Variants in UGGT2 observed in about 807,000 individuals in gnomAD.
UGGT2 encodes the protein UDP-glucose glycoprotein glucosyltransferase 2, also known as UDP-glucose:glycoprotein glucosyltransferase 2.
UGGT2 carries 180 observed loss-of-function variants against 192.1 expected under a neutral mutation model. That is an observed-to-expected ratio of 0.94 (90% CI 0.83 to 1.06). The LOEUF (loss-of-function observed/expected upper bound fraction) is 1.06. Among genes scored for constraint, UGGT2 ranks in the 50% least tolerant of loss-of-function variants. The pLI, the probability that UGGT2 is intolerant of heterozygous loss-of-function variation, is 0.00. For synonymous variants in UGGT2, 580 were observed against 591.0 expected, an observed-to-expected ratio of 0.98 and a Z score of 0.27; for missense variants, 1,849 against 1,795.7, an observed-to-expected ratio of 1.03 and a Z score of -0.54.
chr13:96,040,629 TTATTAAG>T (rs1055326479), intron 1 of UGGT2, among the ~76,000 whole-genome samples: 8 of 152,144 alleles, frequency 5.3e-5, no homozygotes, highest in Non-Finnish European at 8.8e-5. Flanking sequence ...TAAGTTGGGT[TTATTAAG>T]TATTAAGTTG....
At chr13:95,893,952 A>G (rs184309809) in intron 24 of UGGT2, among the ~76,000 whole-genome samples, 165 of 152,226 alleles carry the variant, frequency 1.1e-3, no homozygotes, top group African/African-American at 3.9e-3. Context: ...GCTAAATCAT[A>G]TTTTCCAGAA....
chr13:96,030,710 T>C (rs951928008), intron 2 of UGGT2, among the ~76,000 whole-genome samples: 2 of 152,224 alleles, frequency 1.3e-5, no homozygotes, highest in African/African-American at 2.4e-5. Flanking sequence ...CTGAAGATTT[T>C]ACTCTTAAGG....
chr13:95,909,760 A>G (rs1236342813), intron 20 of UGGT2, among the ~76,000 whole-genome samples: 7 of 139,264 alleles, frequency 5.0e-5, no homozygotes, highest in Non-Finnish European at 7.8e-5. Context: ...AATAATAATA[A>G]TAATAATAAT....
At chr13:95,971,351 G>GA (rs1217677917) in intron 11 of UGGT2, among the ~76,000 whole-genome samples, 1 of 151,870 alleles carries the variant, frequency 6.6e-6, no homozygotes, top group Non-Finnish European at 1.5e-5. Context: ...CACATCCTCT[G>GA]AAGACACAAA....
intron 12 of UGGT2, among the ~76,000 whole-genome samples, chr13:95,958,821 TAG>T (rs906843499): frequency 2.0e-5 from 3 of 152,112 alleles, no homozygotes; most frequent in Non-Finnish European, 2.9e-5. Flanking sequence ...GCTGGAAGCC[TAG>T]AGAGGTTCCC....
At chr13:95,856,703 G>T in intron 33 of UGGT2, 1 of 402,256 alleles carries the variant, frequency 2.5e-6, no homozygotes, top group South Asian at 1.9e-5. Context: ...ATATCAAATA[G>T]TTCATGTATA....
In UGGT2 at chr13:95,859,640, G is replaced by A. The variant is rs1452554568; in HGVS notation, c.3776C>T (p.Thr1259Ile). Residue 1259 changes from threonine (T) to isoleucine (I), a missense_variant, in exon 33 of 39, where the codon ACA (threonine) becomes ATA (isoleucine). Transcript: ENST00000376747. The stretch of plus-strand genomic sequence containing the variant: ...TTTTAGCAACCAGAATTTCACTGGT[G>A]TTTTGGTGTTACGCAAAACAGAAAG... ...MMLSVLRNTK[T>I]PVKFWLLKNY... The A allele has an allele frequency of 6.2e-7, 1 of 1,610,042 alleles. No homozygotes were observed. Among genetic ancestry groups the A allele is most frequent in the African/African-American group, 1.3e-5 (1 of 74,732 alleles).
intron 21 of UGGT2, 75 bp from the exon 22 acceptor site, chr13:95,901,013 A>G: frequency 9.5e-7 from 1 of 1,051,898 alleles, no homozygotes; most frequent in African/African-American, 1.6e-5. Context: ...TTAAAAAACT[A>G]ATATTAGTAT....
At chr13:96,027,492 T>C (rs2052704296) in intron 2 of UGGT2, among the ~76,000 whole-genome samples, 1 of 152,228 alleles carries the variant, frequency 6.6e-6, no homozygotes, top group Admixed American at 6.5e-5. Flanking sequence ...TTTCTGCCTT[T>C]ATCTTCAACC....
chr13:95,832,319 G>A (rs1886792945), intron 38 of UGGT2, among the ~76,000 whole-genome samples: 1 of 152,014 alleles, frequency 6.6e-6, no homozygotes, highest in African/African-American at 2.4e-5. Flanking sequence ...GAGAATTACA[G>A]GACAATCAAG....
intron 20 of UGGT2, among the ~76,000 whole-genome samples, chr13:95,913,585 CA>C (rs1298530732): frequency 6.6e-6 from 1 of 152,180 alleles, no homozygotes; most frequent in Non-Finnish European, 1.5e-5. Flanking sequence ...AGTCAGGAAA[CA>C]ACAGATGCTG....
intron 6 of UGGT2, among the ~76,000 whole-genome samples, chr13:95,996,841 T>C (rs2051637757): frequency 6.6e-6 from 1 of 152,194 alleles, no homozygotes; most frequent in Admixed American, 6.5e-5. Context: ...AAGGAACATT[T>C]AGAAAGACAC....
At chr13:95,916,028 G>A (rs2048671917) in intron 20 of UGGT2, among the ~76,000 whole-genome samples, 1 of 152,150 alleles carries the variant, frequency 6.6e-6, no homozygotes, top group African/African-American at 2.4e-5. Flanking sequence ...CCCCAACACA[G>A]CACACCTGCT....
intron 1 of UGGT2, among the ~76,000 whole-genome samples, chr13:96,032,383 C>T (rs2052865056): frequency 6.6e-6 from 1 of 151,928 alleles, no homozygotes; most frequent in African/African-American, 2.4e-5. Flanking sequence ...AAAACTGGTT[C>T]TATAAATATT....
chr13:96,024,490 T>C (rs1402609066), intron 2 of UGGT2, among the ~76,000 whole-genome samples: 1 of 152,174 alleles, frequency 6.6e-6, no homozygotes, highest in African/African-American at 2.4e-5. Flanking sequence ...TGGGCAGAAC[T>C]TTCTGTCTGT....
intron 17 of UGGT2, 50 bp downstream of exon 17, chr13:95,936,874 A>C (rs772410878): frequency 7.2e-7 from 1 of 1,397,834 alleles, no homozygotes. Context: ...TTTAATAAAA[A>C]CATCATTTAT....
At chr13:96,048,373 G>A (rs1343588021) in intron 1 of UGGT2, among the ~76,000 whole-genome samples, 2 of 152,160 alleles carry the variant, frequency 1.3e-5, no homozygotes, top group Non-Finnish European at 2.9e-5. Flanking sequence ...ATGTCCACAA[G>A]AGAAAGCAGG....
intron 12 of UGGT2, among the ~76,000 whole-genome samples, chr13:95,968,802 C>A (rs1260075157): frequency 6.6e-6 from 1 of 152,018 alleles, no homozygotes; most frequent in Non-Finnish European, 1.5e-5. Context: ...ATGTGCTATA[C>A]CCATACATGT....
chr13:96,013,285 C>A, intron 5 of UGGT2, 22 bp downstream of exon 5: 1 of 1,531,090 alleles, frequency 6.5e-7, no homozygotes, highest in South Asian at 1.3e-5. Flanking sequence ...CAAAAGCAAC[C>A]TTGGAAAAAA....
Sources: gnomAD v4.1 joint callset for allele counts (sites outside exome capture counted in the v4.1 genomes callset) on GRCh38, gnomAD v4.1.1 for gene constraint, MANE v1.5 for transcripts, NCBI Gene and HGNC (gene_info 2026-07-23, HGNC 2026-07-21) for gene names.